The following RIOK3 variants were observed in gnomAD, a reference collection of about 807,000 sequenced individuals.
RIOK3 encodes serine/threonine-protein kinase RIO3.
A neutral mutation model predicts 63.5 loss-of-function variants in RIOK3; 40 were observed. The observed-to-expected ratio is 0.63, with a 90% CI of 0.49 to 0.82. The LOEUF is 0.82. RIOK3 is among the 40% of genes least tolerant of loss of function. The probability of loss-of-function intolerance (pLI) is 0.00; values close to 1 mark genes in which losing one functional copy is unlikely to be tolerated. For synonymous variants in RIOK3, 193 were observed against 205.0 expected (o/e 0.94, Z 0.50); for missense variants, 557 against 637.0 (o/e 0.87, Z 1.35).
intron 12 of RIOK3, 107 bp from the exon 13 acceptor site, chr18:23,481,065 G>A (rs2145708918): frequency 1.9e-5 from 14 of 739,884 alleles, no homozygotes; most frequent in Middle Eastern, 6.6e-4. Flanking sequence ...GGACGACAGA[G>A]TGAGACTCCA....
Position 23,455,167 on chromosome 18 carries a change from G to A in RIOK3, c.63+1665G>A, listed in dbSNP as rs373316431. Among the ~76,000 whole-genome samples, 37 of 152,164 alleles carry A rather than the reference G, an allele frequency of 2.4e-4. No homozygotes were observed. The South Asian group carries it at 5.0e-3, about 20-fold the overall frequency. Reference sequence around the variant, plus strand: ...GCTCACTGCGACCTCTGCCTTCCGGGTTCAGGCAATTCTTGTGACTCAGCC... The same window carrying A: ...GCTCACTGCGACCTCTGCCTTCCGGATTCAGGCAATTCTTGTGACTCAGCC... On this transcript the variant is annotated intron_variant, in intron 1 of 12. Transcript: ENST00000339486.
intron 9 of RIOK3, among the ~76,000 whole-genome samples, chr18:23,476,629 G>T (rs563623785): frequency 4.0e-4 from 6 of 15,068 alleles, no homozygotes; most frequent in Non-Finnish European, 7.1e-4. Flanking sequence ...TTTGAGGGGG[G>T]CTGGGCGCAG....
At position 23,464,354 on chromosome 18, in the gene RIOK3, TATAGGA is replaced by T. The variant is rs1201783223; in HGVS notation, c.433+43_433+48del. The stretch of plus-strand genomic sequence containing the variant: ...CTTTCTGGGGGCAGCAGAATAGAGG[TATAGGA>T]AGACTAATCTTTTCAATGAACTCTT... On this transcript the variant is annotated intron_variant, in intron 4 of 12. Coordinates refer to ENST00000339486, the MANE Select transcript of RIOK3 (RefSeq NM_003831.5). 2.2e-6 allele frequency: 3 copies of T among 1,391,766 alleles called. No individual in the cohort carries two copies. The African/African-American group carries it at 4.4e-5, about 20-fold the overall frequency. 86.2% of individuals were successfully genotyped at this position (1,391,766 alleles called of 1,614,324 possible).
chr18:23,461,731 C>A (rs977157412), intron 1 of RIOK3, among the ~76,000 whole-genome samples: 1 of 151,874 alleles, frequency 6.6e-6, no homozygotes, highest in Admixed American at 6.6e-5. Context: ...CTGGGTCTGA[C>A]AGAATATTAC....
In RIOK3 at chr18:23,476,665, C is replaced by G. The variant is rs529343456; in HGVS notation, c.1174-341C>G. 2.6e-5 allele frequency among the ~76,000 whole-genome samples: 4 copies of G among 152,074 alleles called. No homozygotes were observed. In the South Asian group the frequency reaches 6.2e-4, roughly 24 times the overall value. ...TGCTCACGCCTGTAATCCCAGCACT[C>G]TGGGAGGCCGAGGTGGGCAGGTCAC... On this transcript the variant is annotated intron_variant, in intron 9 of 12. Coordinates refer to ENST00000339486, the MANE Select transcript of RIOK3 (RefSeq NM_003831.5).
intron 12 of RIOK3, among the ~76,000 whole-genome samples, chr18:23,480,297 C>G (rs2057522631): frequency 6.6e-6 from 1 of 152,124 alleles, no homozygotes; most frequent in South Asian, 2.1e-4. Flanking sequence ...TGGGCCTAGC[C>G]TAAGGCTAGA....
chr18:23,463,165 GA>G (rs971495108), intron 2 of RIOK3, 86 bp downstream of exon 2: 38 of 849,422 alleles, frequency 4.5e-5, no homozygotes, highest in Non-Finnish European at 6.0e-5. Flanking sequence ...AAGTGGTTTG[GA>G]AAAAGCAGTG....
rs2057336247 is a variant in RIOK3 at position 23,455,738 on chromosome 18, C to T, written c.63+2236C>T. Among the ~76,000 whole-genome samples, 6 of 151,700 alleles carry T rather than the reference C, an allele frequency of 4.0e-5. No individual in the cohort carries two copies. In the South Asian group the frequency reaches 1.3e-3, roughly 32 times the overall value. ...CATCTCACACTGTGCCTTGACCTTG[C>T]AGGCTCCCACCTCGGCCTCCTGATT... On this transcript the variant is annotated intron_variant, in intron 1 of 12. Transcript: ENST00000339486.
At chr18:23,471,152 A>G (rs2057453823) in intron 7 of RIOK3, among the ~76,000 whole-genome samples, 1 of 152,222 alleles carries the variant, frequency 6.6e-6, no homozygotes, top group Non-Finnish European at 1.5e-5. Context: ...TAAACAAAAA[A>G]TATCAGATAT....
rs374569673 is a variant in RIOK3, at chr18:23,481,205, G to T, written c.1486G>T (p.Val496Phe). ...EALEKMNEDH[V>F]QKNGRKAASF... is the part of the protein sequence containing the mutation. ...TTTGGAGAAAATGAATGAAGATCAC[G>T]TTCAGAAGAATGGAAGGAAAGCTGC... Residue 496 changes from valine to phenylalanine, a missense_variant, in exon 13 of 13, where the codon GTT becomes TTT. Val to Phe is a conservative substitution (Grantham distance 50). This residue lies in a region of RIOK3 where 309 missense variants were observed against 338.7 expected (regional missense o/e 0.91). Transcript: ENST00000339486. 1.2e-6 allele frequency: 2 copies of T among 1,612,324 alleles called. No homozygotes were observed. Among genetic ancestry groups the T allele is most frequent in the Admixed American group, 1.7e-5 (1 of 59,756 alleles).
Position 23,453,299 on chromosome 18 carries a change from G to T in RIOK3, c.-141G>T, listed in dbSNP as rs1043735168. On this transcript the variant is annotated 5_prime_UTR_variant, in exon 1 of 13. Transcript: ENST00000339486. ...AGAGGAGAGATCCAGTTCCGGACGC[G>T]GCCGCCGCCGTCGCCGCCATCTGTC... is the stretch of plus-strand genomic sequence containing the variant. 4 of 712,186 alleles carry T rather than the reference G, an allele frequency of 5.6e-6. No homozygotes were observed. The highest frequency in any genetic ancestry group is 3.8e-4 in the Middle Eastern group (1 of 2,634). 44.1% of individuals were successfully genotyped at this position (712,186 alleles called of 1,614,324 possible). A position where few individuals can be genotyped will look rare whatever the true frequency, so the allele number is the denominator to read the frequency against.
At chr18:23,472,232 C>CA (rs34781307) in intron 7 of RIOK3, among the ~76,000 whole-genome samples, 1,624 of 138,824 alleles carry the variant, frequency 0.012, 25 homozygotes, top group African/African-American at 0.034. Context: ...GACTCTGTCT[C>CA]AAAAAAAAAA....
intron 7 of RIOK3, 93 bp from the exon 8 acceptor site, chr18:23,473,336 G>C (rs2057468215): frequency 2.9e-6 from 2 of 694,766 alleles, no homozygotes; most frequent in East Asian, 5.7e-5. Context: ...AGAGAAGGTA[G>C]ATCTAATTTA....
chr18:23,464,534 C>T lies in RIOK3; in HGVS notation c.449C>T (p.Thr150Ile), dbSNP rs570800417. The T allele has an allele frequency of 1.9e-6, 3 of 1,601,192 alleles. No individual in the cohort carries two copies. Among genetic ancestry groups the T allele is most frequent in the Non-Finnish European group, 2.6e-6 (3 of 1,175,914 alleles). The change falls in exon 5 of 13, where the codon ACT (threonine) becomes ATT (isoleucine). Residue 150 changes from threonine (T) to isoleucine (I), a missense_variant. Thr to Ile is a moderately conservative substitution (Grantham distance 89). This residue lies in a region of RIOK3 where 243 missense variants were observed against 275.4 expected (regional missense o/e 0.88). Transcript: ENST00000339486. ...DPYRPAKPVP[T>I]PKKGFIGKGK... ...TTGCCTTTAGCAAAACCGGTTCCCA[C>T]TCCTAAAAAGGGCTTTATTGGAAAA...
chr18:23,459,953 C>G (rs1187186292), intron 1 of RIOK3, among the ~76,000 whole-genome samples: 1 of 152,226 alleles, frequency 6.6e-6, no homozygotes, highest in East Asian at 1.9e-4. Context: ...CTCGGCCTCT[C>G]AAAGTGCTGG....
At chr18:23,466,583 G>A (rs1432083479) in intron 6 of RIOK3, among the ~76,000 whole-genome samples, 4 of 151,484 alleles carry the variant, frequency 2.6e-5, no homozygotes, top group African/African-American at 4.9e-5. Context: ...CCAGCTACCC[G>A]GGGGGCTGAG....
At position 23,453,472 on chromosome 18, in the gene RIOK3, C is replaced by G. The variant is rs752290055; in HGVS notation, c.33C>G (p.Pro11=). The stretch of plus-strand genomic sequence containing the variant: ...TGGTAGGAGTGGCATCGCCTGAGCC[C>G]GGGACGGCAGCGGCCTGGGGACCCA... MDLVGVASPE[P]GTAAAWGPSK... is the part of the protein sequence containing the mutation. The change falls in exon 1 of 13, where the codon CCC becomes CCG. Residue 11 remains proline (P), a synonymous_variant. Coordinates refer to ENST00000339486, the MANE Select transcript of RIOK3 (RefSeq NM_003831.5). 1.2e-5 allele frequency: 19 copies of G among 1,613,696 alleles called. No homozygotes were observed. In the East Asian group the frequency reaches 3.6e-4, roughly 30 times the overall value.
At chr18:23,468,293 CTTTTTTTTTTTTTT>C (rs1245472469) in intron 7 of RIOK3, among the ~76,000 whole-genome samples, 1 of 46,448 alleles carries the variant, frequency 2.2e-5, no homozygotes, top group Non-Finnish European at 3.7e-5. Flanking sequence ...CAATATACTC[CTTTTTTTTTTTTTT>C]TTTTTTTTTT....
intron 1 of RIOK3, among the ~76,000 whole-genome samples, chr18:23,455,671 G>A (rs1045934205): frequency 2.6e-5 from 4 of 151,868 alleles, no homozygotes; most frequent in African/African-American, 7.3e-5. Context: ...TTGAGACAGG[G>A]TCTCACTCTG....
Sources: allele counts gnomAD v4.1 joint callset (sites outside exome capture counted in the v4.1 genomes callset), GRCh38; gene constraint gnomAD v4.1.1; regional missense constraint gnomAD v4.1.1; transcripts MANE v1.5; gene names NCBI Gene and HGNC (gene_info 2026-07-23, HGNC 2026-07-21).